The following TNIK variants were observed in gnomAD, a reference collection of about 807,000 sequenced individuals.
The protein encoded by TNIK is TRAF2 and NCK interacting kinase, also known as TRAF2 and NCK-interacting protein kinase.
Under a neutral mutation model 191.3 loss-of-function variants are expected in TNIK, and 49 were observed. The ratio of observed to expected loss-of-function variants is 0.26; its 90% CI spans 0.20 to 0.32. The LOEUF (loss-of-function observed/expected upper bound fraction) is 0.32, where lower values mean the gene tolerates loss of function less well. Ranked by LOEUF, TNIK falls within the 10% of genes least tolerant of loss-of-function variation. The probability of loss-of-function intolerance (pLI) is 1.00; values close to 1 mark genes in which losing one functional copy is unlikely to be tolerated. For synonymous variants in TNIK, 594 were observed against 600.9 expected, an observed-to-expected ratio of 0.99 and a Z score of 0.17; for missense variants, 1,155 against 1,702.3, an observed-to-expected ratio of 0.68 and a Z score of 5.66.
chr3:171,383,461 C>G (rs1718329711), intron 1 of TNIK, among the ~76,000 whole-genome samples: 1 of 152,194 alleles, frequency 6.6e-6, no homozygotes, highest in Non-Finnish European at 1.5e-5. Context: ...ATCTCAGCAT[C>G]ACTGTGGCAA....
chr3:171,199,061 C>G (rs1739074803), intron 4 of TNIK, among the ~76,000 whole-genome samples: 1 of 152,162 alleles, frequency 6.6e-6, no homozygotes. Flanking sequence ...TTCAAATATT[C>G]AGTAGGAAAC....
At chr3:171,268,356 T>G (rs946537678) in intron 2 of TNIK, among the ~76,000 whole-genome samples, 2 of 152,116 alleles carry the variant, frequency 1.3e-5, no homozygotes, top group African/African-American at 4.8e-5. Flanking sequence ...CTGATCATCC[T>G]AGCCTGCCTT....
intron 25 of TNIK, among the ~76,000 whole-genome samples, chr3:171,084,527 A>G (rs1054072777): frequency 6.6e-6 from 1 of 152,202 alleles, no homozygotes; most frequent in African/African-American, 2.4e-5. Context: ...TCTTTTATTC[A>G]TTAGAAAAAC....
At chr3:171,119,813 G>A (rs1011539331) in intron 18 of TNIK, among the ~76,000 whole-genome samples, 6 of 151,590 alleles carry the variant, frequency 4.0e-5, no homozygotes, top group Admixed American at 3.3e-4. Flanking sequence ...TGGGGGGAGG[G>A]AGGAGGGATA....
At chr3:171,216,406 T>A (rs1741458007) in intron 3 of TNIK, among the ~76,000 whole-genome samples, 1 of 152,232 alleles carries the variant, frequency 6.6e-6, no homozygotes, top group Non-Finnish European at 1.5e-5. Flanking sequence ...AAGTTATACA[T>A]CAACTCTAAT....
chr3:171,308,946 G>A (rs139911959), intron 2 of TNIK, among the ~76,000 whole-genome samples: 1 of 152,298 alleles, frequency 6.6e-6, no homozygotes, highest in East Asian at 1.9e-4. Context: ...TACACTGCTG[G>A]TGGAAATGTA....
intron 2 of TNIK, among the ~76,000 whole-genome samples, chr3:171,355,499 G>A (rs1017456242): frequency 1.3e-5 from 2 of 152,162 alleles, no homozygotes; most frequent in Non-Finnish European, 2.9e-5. Flanking sequence ...ATCAGAATCT[G>A]CCTAATTTGC....
chr3:171,157,023 G>A (rs1436584997), intron 12 of TNIK, among the ~76,000 whole-genome samples: 11 of 152,230 alleles, frequency 7.2e-5, no homozygotes, highest in Non-Finnish European at 1.6e-4. Context: ...GGGAATAAAA[G>A]AGATAAAATC....
chr3:171,344,419 T>C (rs771207073), intron 2 of TNIK, among the ~76,000 whole-genome samples: 33 of 152,286 alleles, frequency 2.2e-4, no homozygotes, highest in Non-Finnish European at 4.3e-4. Flanking sequence ...GTGATGGTAG[T>C]AGCAGTGGGG....
chr3:171,329,256 T>TA (rs1170015349), intron 2 of TNIK, among the ~76,000 whole-genome samples: 1 of 152,216 alleles, frequency 6.6e-6, no homozygotes, highest in Non-Finnish European at 1.5e-5. Context: ...ATTATCATTT[T>TA]AAAAAATTAT....
intron 2 of TNIK, among the ~76,000 whole-genome samples, chr3:171,249,129 T>C (rs1441199947): frequency 6.6e-6 from 1 of 152,216 alleles, no homozygotes; most frequent in Non-Finnish European, 1.5e-5. Context: ...TATAGAAACA[T>C]TAAAAGTAAC....
intron 1 of TNIK, among the ~76,000 whole-genome samples, chr3:171,430,121 T>A (rs1489839613): frequency 6.6e-6 from 1 of 152,150 alleles, no homozygotes; most frequent in African/African-American, 2.4e-5. Flanking sequence ...AAATACCGCC[T>A]TACGTTGTTT....
At chr3:171,145,523 G>T (rs1031865110) in intron 12 of TNIK, among the ~76,000 whole-genome samples, 1 of 152,134 alleles carries the variant, frequency 6.6e-6, no homozygotes, top group African/African-American at 2.4e-5. Flanking sequence ...CTAGGTGGAG[G>T]CTGTGTGGCT....
At chr3:171,383,859 A>G (rs1718386260) in intron 1 of TNIK, among the ~76,000 whole-genome samples, 1 of 152,224 alleles carries the variant, frequency 6.6e-6, no homozygotes, top group South Asian at 2.1e-4. Flanking sequence ...ACCAGTGCAC[A>G]TTTCCTGAGC....
chr3:171,096,946 G>C (rs56983436), intron 22 of TNIK, among the ~76,000 whole-genome samples: 15,861 of 152,094 alleles, frequency 0.1, 959 homozygotes, highest in Middle Eastern at 0.15. Flanking sequence ...ATATTATTTG[G>C]ATATTTAAAA....
chr3:171,278,334 A>G (rs757098814), intron 2 of TNIK, among the ~76,000 whole-genome samples: 73 of 152,204 alleles, frequency 4.8e-4, no homozygotes, highest in Admixed American at 9.8e-4. Flanking sequence ...CAGCCTTTAC[A>G]TGCTCACATA....
At chr3:171,239,007 A>G (rs918721022) in intron 2 of TNIK, among the ~76,000 whole-genome samples, 1 of 152,214 alleles carries the variant, frequency 6.6e-6, no homozygotes, top group African/African-American at 2.4e-5. Flanking sequence ...CTAAATTTTT[A>G]AAAAACCTAA....
chr3:171,374,705 C>G (rs1716983053), intron 1 of TNIK, among the ~76,000 whole-genome samples: 1 of 152,026 alleles, frequency 6.6e-6, no homozygotes, highest in Non-Finnish European at 1.5e-5. Flanking sequence ...GTAGACTATT[C>G]CTTGAAAGAA....
At chr3:171,391,788 T>C (rs1032420517) in intron 1 of TNIK, among the ~76,000 whole-genome samples, 6 of 152,234 alleles carry the variant, frequency 3.9e-5, no homozygotes, top group Admixed American at 1.3e-4. Flanking sequence ...CCCCCAGTAC[T>C]GAATCTAAAA....
Sources: allele counts gnomAD v4.1 joint callset (sites outside exome capture counted in the v4.1 genomes callset), GRCh38; gene constraint gnomAD v4.1.1; transcripts MANE v1.5; gene names NCBI Gene and HGNC (gene_info 2026-07-23, HGNC 2026-07-21).